RABGAP1L: variants seen among roughly 807,000 people sequenced by gnomAD.
The protein encoded by RABGAP1L is RAB GTPase activating protein 1 like.
RABGAP1L carries 63 observed loss-of-function variants against 137.7 expected under a neutral mutation model. The observed-to-expected ratio is 0.46, with a 90% CI of 0.37 to 0.56. The LOEUF is 0.56. RABGAP1L is among the 20% of genes least tolerant of loss of function. RABGAP1L has a pLI of 0.00. For missense variants in RABGAP1L, 1,095 were observed against 1,244.0 expected, an observed-to-expected ratio of 0.88 and a Z score of 1.80; for synonymous variants, 431 against 433.7, an observed-to-expected ratio of 0.99 and a Z score of 0.08.
rs1030757347 is a variant in RABGAP1L, at chr1:174,368,710, A to AT, written c.1466-2262dup. 3.3e-5 allele frequency among the ~76,000 whole-genome samples: 5 copies of AT among 152,158 alleles called. No individual in the cohort carries two copies. In the South Asian group the frequency reaches 8.3e-4, roughly 25 times the overall value. On this transcript the variant is annotated intron_variant, in intron 11 of 25. Transcript: ENST00000681986. The stretch of plus-strand genomic sequence containing the variant: ...AATAGCCATTTGTCAAATGTTGGAA[A>AT]TTTTTTTGCTTTTAAAAAATATACA...
intron 1 of RABGAP1L, among the ~76,000 whole-genome samples, chr1:174,173,545 G>A (rs1571364925): frequency 6.6e-6 from 1 of 152,090 alleles, no homozygotes; most frequent in African/African-American, 2.4e-5. Flanking sequence ...TTTCCTGAGT[G>A]TGCATTTTGA....
At chr1:174,633,731 A>G (rs1384729605) in intron 13 of RABGAP1L, among the ~76,000 whole-genome samples, 22 of 139,876 alleles carry the variant, frequency 1.6e-4, no homozygotes, top group Non-Finnish European at 1.1e-4. Flanking sequence ...ATAACGCTGC[A>G]TACCTACAAC....
At chr1:174,401,453 A>G (rs762677057) in intron 13 of RABGAP1L, among the ~76,000 whole-genome samples, 1 of 152,218 alleles carries the variant, frequency 6.6e-6, no homozygotes, top group Non-Finnish European at 1.5e-5. Flanking sequence ...AAAGCAATAT[A>G]TGCATAAATG....
intron 19 of RABGAP1L, among the ~76,000 whole-genome samples, chr1:174,837,914 GTAATTATAAGTAAGCCC>G: frequency 6.6e-6 from 1 of 152,320 alleles, no homozygotes; most frequent in South Asian, 2.1e-4. Context: ...TGGCAGAAAT[GTAATTATAAGTAAGCCC>G]TAATTTCTGC....
chr1:174,777,697 A>G (rs1686637966), intron 18 of RABGAP1L, among the ~76,000 whole-genome samples: 5 of 152,230 alleles, frequency 3.3e-5, no homozygotes, highest in Non-Finnish European at 7.3e-5. Flanking sequence ...AGATATTTAA[A>G]AAGAACCAAA....
At chr1:174,880,273 A>T (rs74905386) in intron 19 of RABGAP1L, among the ~76,000 whole-genome samples, 2 of 152,132 alleles carry the variant, frequency 1.3e-5, no homozygotes, top group Non-Finnish European at 2.9e-5. Context: ...ACGGTTGTAG[A>T]TAATCTTTAA....
rs139102990 is a variant in RABGAP1L, at chr1:174,889,696, G to A, written c.2341-67761G>A. Among the ~76,000 whole-genome samples the A allele has an allele frequency of 7.2e-4, 110 of 152,044 alleles. 1 individual carries two copies. The highest frequency in any genetic ancestry group is 2.5e-3 in the African/African-American group (102 of 41,450). On this transcript the variant is annotated intron_variant, in intron 19 of 25. Coordinates refer to ENST00000681986, the MANE Select transcript of RABGAP1L (RefSeq NM_001366446.1). ...TCCTCCCACCTCAGCCTCTCATAGT[G>A]CTGGGGTTGCAGGCATGAACCACTG...
At chr1:174,580,092 A>G (rs948546743) in intron 13 of RABGAP1L, among the ~76,000 whole-genome samples, 11 of 152,160 alleles carry the variant, frequency 7.2e-5, no homozygotes, top group African/African-American at 2.7e-4. Flanking sequence ...GGTTTATTAT[A>G]TATGAAACCA....
chr1:174,573,293 G>GTTTA (rs1668128151), intron 13 of RABGAP1L, among the ~76,000 whole-genome samples: 1 of 150,278 alleles, frequency 6.7e-6, no homozygotes, highest in Non-Finnish European at 1.5e-5. Flanking sequence ...TTATATGTAT[G>GTTTA]TGTGTATATA....
At chr1:174,344,992 C>A (rs188449093) in intron 11 of RABGAP1L, among the ~76,000 whole-genome samples, 1 of 152,234 alleles carries the variant, frequency 6.6e-6, no homozygotes, top group Admixed American at 6.5e-5. Context: ...CTAGTTTCAT[C>A]CCTCTGCATA....
chr1:174,715,820 G>C (rs1287591768), intron 17 of RABGAP1L, among the ~76,000 whole-genome samples: 2 of 152,098 alleles, frequency 1.3e-5, no homozygotes, highest in African/African-American at 4.8e-5. Context: ...TCATATCCCA[G>C]GTCCTCCTAT....
chr1:174,183,049 A>G (rs914245633), intron 1 of RABGAP1L, among the ~76,000 whole-genome samples: 4 of 152,192 alleles, frequency 2.6e-5, no homozygotes, highest in African/African-American at 9.6e-5. Context: ...ACACTGAGTT[A>G]TAATAGTTCC....
At chr1:174,476,191 C>A (rs1019892315) in intron 13 of RABGAP1L, among the ~76,000 whole-genome samples, 2 of 152,084 alleles carry the variant, frequency 1.3e-5, no homozygotes, top group African/African-American at 2.4e-5. Context: ...AATTTTCTAA[C>A]CTTTAGCATT....
At chr1:174,650,750 G>A (rs1231562946) in intron 14 of RABGAP1L, among the ~76,000 whole-genome samples, 10 of 148,816 alleles carry the variant, frequency 6.7e-5, no homozygotes, top group South Asian at 2.1e-4. Context: ...TCTTGCTAGC[G>A]GTCTATCAAT....
At chr1:174,363,247 G>T (rs971256998) in intron 11 of RABGAP1L, among the ~76,000 whole-genome samples, 1 of 152,118 alleles carries the variant, frequency 6.6e-6, no homozygotes, top group Non-Finnish European at 1.5e-5. Context: ...TTTTGCTTAG[G>T]ATTGCCTTGG....
At chr1:174,406,783 G>T (rs1322692844) in intron 13 of RABGAP1L, among the ~76,000 whole-genome samples, 1 of 152,144 alleles carries the variant, frequency 6.6e-6, no homozygotes, top group Non-Finnish European at 1.5e-5. Context: ...GGTGCCACAT[G>T]CCTATGGTTA....
intron 1 of RABGAP1L, among the ~76,000 whole-genome samples, chr1:174,209,076 C>T (rs1668691303): frequency 6.6e-6 from 1 of 152,172 alleles, no homozygotes; most frequent in Admixed American, 6.5e-5. Context: ...GAGCACTCAA[C>T]CTAGATCCCT....
At position 174,760,422 on chromosome 1, in the gene RABGAP1L, G is replaced by A. The variant is rs138292234; in HGVS notation, c.2211+8068G>A. ...AGCTCCCACTTACAAGTGAGAGCAC[G>A]TGGTATTTGGTTTTCTGTTCTGTGT... On this transcript the variant is annotated intron_variant, in intron 18 of 25. Coordinates refer to ENST00000681986, the MANE Select transcript of RABGAP1L (RefSeq NM_001366446.1). Among the ~76,000 whole-genome samples, 112 of 152,292 alleles carry A rather than the reference G, an allele frequency of 7.4e-4. 1 individual carries two copies. Among genetic ancestry groups the A allele is most frequent in the African/African-American group, 2.5e-3 (102 of 41,564 alleles).
At chr1:174,349,796 A>G (rs1396413848) in intron 11 of RABGAP1L, among the ~76,000 whole-genome samples, 2 of 105,304 alleles carry the variant, frequency 1.9e-5, no homozygotes, top group Non-Finnish European at 4.1e-5. Context: ...CTCACTTCCC[A>G]GTAGGGGCGG....
Sources: gnomAD v4.1 joint callset for allele counts (sites outside exome capture counted in the v4.1 genomes callset) on GRCh38, gnomAD v4.1.1 for gene constraint, MANE v1.5 for transcripts, NCBI Gene and HGNC (gene_info 2026-07-23, HGNC 2026-07-21) for gene names.